Variants in NFAT5 observed in about 807,000 individuals in gnomAD.
NFAT5 encodes the protein nuclear factor of activated T-cells 5.
A neutral mutation model predicts 166.5 loss-of-function variants in NFAT5; 31 were observed. The observed-to-expected ratio is 0.19, with a 90% CI of 0.14 to 0.25. NFAT5 has a LOEUF of 0.25. Ranked by LOEUF, NFAT5 falls within the 10% of genes least tolerant of loss-of-function variation. NFAT5 has a pLI of 1.00. For synonymous variants in NFAT5, 612 were observed against 639.7 expected (o/e 0.96, Z 0.65); for missense variants, 1,449 against 1,821.8 (o/e 0.80, Z 3.72).
chr16:69,652,343 T>G (rs1401817421), intron 4 of NFAT5, among the ~76,000 whole-genome samples: 1 of 151,666 alleles, frequency 6.6e-6, no homozygotes, highest in Non-Finnish European at 1.5e-5. Context: ...TCCCAGCTAC[T>G]TGGGAGGCTG....
intron 11 of NFAT5, among the ~76,000 whole-genome samples, chr16:69,688,186 G>C (rs1456019559): frequency 8.8e-6 from 1 of 113,790 alleles, no homozygotes; most frequent in Non-Finnish European, 1.8e-5. Flanking sequence ...CTGGGCGACA[G>C]AGCGAGACTC....
chr16:69,567,034 C>G (rs1424029069), intron 1 of NFAT5, among the ~76,000 whole-genome samples: 1 of 151,024 alleles, frequency 6.6e-6, no homozygotes, highest in Non-Finnish European at 1.5e-5. Context: ...CTTTTTTTTT[C>G]TCTTCCCACC....
In NFAT5 at chr16:69,632,339, TA is replaced by T. The variant is rs2034755564; in HGVS notation, c.253+5814del. The T allele has an allele frequency of 2.0e-5, 3 of 152,332 alleles. No individual in the cohort carries two copies. In the South Asian group the frequency reaches 6.2e-4, roughly 32 times the overall value. 9.4% of individuals were successfully genotyped at this position (152,332 alleles called of 1,614,324 possible). A position where few individuals can be genotyped will look rare whatever the true frequency, so the allele number is the denominator to read the frequency against. Reference sequence around the variant, plus strand: ...CATCATATCACAATCCTTCTAGCCATAAAGTATCTCTCTTTTTTCTTTTACC... The same window carrying T: ...CATCATATCACAATCCTTCTAGCCATAAGTATCTCTCTTTTTTCTTTTACC... On this transcript the variant is annotated intron_variant, in intron 3 of 14. Coordinates refer to ENST00000349945, the MANE Select transcript of NFAT5 (RefSeq NM_138713.4).
At position 69,701,617 on chromosome 16, in the gene NFAT5, C is replaced by G. The variant is rs537200180; in HGVS notation, c.*5266C>G. ...TTATATAAACTAAATTTGTCTTCATCTCAACCAGCTAATGGTAGGTCTTAT... is the reference window on the plus strand; with the variant it reads ...TTATATAAACTAAATTTGTCTTCATGTCAACCAGCTAATGGTAGGTCTTAT... On this transcript the variant is annotated 3_prime_UTR_variant, in exon 15 of 15. Coordinates refer to ENST00000349945, the MANE Select transcript of NFAT5 (RefSeq NM_138713.4). 1 of 152,484 alleles carries G rather than the reference C, an allele frequency of 6.6e-6. No homozygotes were observed. Among genetic ancestry groups the G allele is most frequent in the South Asian group, 2.1e-4 (1 of 4,824 alleles). 9.4% of individuals were successfully genotyped at this position (152,484 alleles called of 1,614,324 possible).
Position 69,684,985 on chromosome 16 carries a change from C to A in NFAT5, c.1774+15C>A. The A allele has an allele frequency of 1.9e-6, 3 of 1,591,980 alleles. No individual in the cohort carries two copies. Among genetic ancestry groups the A allele is most frequent in the Non-Finnish European group, 2.6e-6 (3 of 1,165,718 alleles). ...GGCCATGAAAGGTACCAAGTAAATT[C>A]TTCTCAAAAATCGTAATTGGGTGCT... is the stretch of plus-strand genomic sequence containing the variant. On this transcript the variant is annotated intron_variant, in intron 11 of 14. Transcript: ENST00000349945.
chr16:69,586,859 A>G (rs2032101722), intron 2 of NFAT5, among the ~76,000 whole-genome samples: 1 of 152,234 alleles, frequency 6.6e-6, no homozygotes, highest in African/African-American at 2.4e-5. Flanking sequence ...GAAAAGCTGT[A>G]TTAGTGAAAT....
chr16:69,699,698 A>C lies in NFAT5; in HGVS notation c.*3347A>C, dbSNP rs979077538. On this transcript the variant is annotated 3_prime_UTR_variant, in exon 15 of 15. Coordinates refer to ENST00000349945, the MANE Select transcript of NFAT5 (RefSeq NM_138713.4). The stretch of plus-strand genomic sequence containing the variant: ...GGCCATAGAAACAACAATTTATTAA[A>C]TGTATTTATGGCAGAAGGACCTAAA... The C allele has an allele frequency of 3.3e-5, 5 of 152,692 alleles. No homozygotes were observed. Among genetic ancestry groups the C allele is most frequent in the African/African-American group, 1.2e-4 (5 of 41,470 alleles). 9.5% of individuals were successfully genotyped at this position (152,692 alleles called of 1,614,324 possible). A position where few individuals can be genotyped will look rare whatever the true frequency, so the allele number is the denominator to read the frequency against.
chr16:69,683,984 A>T (rs1188838259), intron 10 of NFAT5, among the ~76,000 whole-genome samples: 1 of 152,090 alleles, frequency 6.6e-6, no homozygotes, highest in Non-Finnish European at 1.5e-5. Flanking sequence ...CTGTAGTCCC[A>T]GCTACTTGGG....
rs2037822681 is a variant in NFAT5, at chr16:69,698,144, A to G, written c.*1793A>G. ...ACCCCTTTCTTTCTTTCTCTCTCTG[A>G]TTGAGAGGCATTGAATTACGTTTTC... On this transcript the variant is annotated 3_prime_UTR_variant, in exon 15 of 15. Transcript: ENST00000349945. 6.6e-6 allele frequency: 1 copy of G among 150,526 alleles called. No homozygotes were observed. The highest frequency in any genetic ancestry group is 6.6e-5 in the Admixed American group (1 of 15,064). The allele number at this position is 150,526 out of a possible 1,614,324, so 9.3% of individuals were successfully genotyped here.
intron 2 of NFAT5, among the ~76,000 whole-genome samples, chr16:69,579,771 A>T (rs1408634104): frequency 6.6e-6 from 1 of 152,220 alleles, no homozygotes; most frequent in East Asian, 1.9e-4. Context: ...CCACATATTT[A>T]TCAGGGTTGT....
At chr16:69,681,036 A>G (rs2037039463) in intron 10 of NFAT5, among the ~76,000 whole-genome samples, 1 of 152,230 alleles carries the variant, frequency 6.6e-6, no homozygotes, top group Non-Finnish European at 1.5e-5. Context: ...TTGGGATTAC[A>G]GGCATGAGCC....
At position 69,700,080 on chromosome 16, in the gene NFAT5, C is replaced by T. The variant is rs2037872151; in HGVS notation, c.*3729C>T. ...TTATAGAAGAAGTATTAATGAAGGA[C>T]TTTCCTTCCTCCCTCCCTTTCCTCC... On this transcript the variant is annotated 3_prime_UTR_variant, in exon 15 of 15. Coordinates refer to ENST00000349945, the MANE Select transcript of NFAT5 (RefSeq NM_138713.4). The T allele has an allele frequency of 6.6e-6, 1 of 151,616 alleles. No individual in the cohort carries two copies. Among genetic ancestry groups the T allele is most frequent in the Admixed American group, 6.6e-5 (1 of 15,226 alleles). The allele number at this position is 151,616 out of a possible 1,614,324, so 9.4% of individuals were successfully genotyped here.
At position 69,653,219 on chromosome 16, in the gene NFAT5, G is replaced by A. The variant is rs761348014; in HGVS notation, c.813-17G>A. The stretch of plus-strand genomic sequence containing the variant: ...CTCTTTTTGATACTTTCTCCATGTT[G>A]TGCTTTGATTTCTCAGAACATTGGA... On this transcript the variant is annotated splice_polypyrimidine_tract_variant and intron_variant, in intron 4 of 14. Coordinates refer to ENST00000349945, the MANE Select transcript of NFAT5 (RefSeq NM_138713.4). 1 of 1,499,520 alleles carries A rather than the reference G, an allele frequency of 6.7e-7. No individual in the cohort carries two copies. The highest frequency in any genetic ancestry group is 1.5e-5 in the African/African-American group (1 of 67,508). The allele number at this position is 1,499,520 out of a possible 1,614,324, so 92.9% of individuals were successfully genotyped here. A position where few individuals can be genotyped will look rare whatever the true frequency, so the allele number is the denominator to read the frequency against.
chr16:69,566,313 C>T lies in NFAT5; in HGVS notation c.12C>T (p.Asp4=). 1 of 1,606,966 alleles carries T rather than the reference C, an allele frequency of 6.2e-7. No individual in the cohort carries two copies. The highest frequency in any genetic ancestry group is 1.1e-5 in the South Asian group (1 of 89,100). The change falls in exon 1 of 15, where the codon GAC becomes GAT. Residue 4 remains aspartate, a synonymous_variant. Coordinates refer to ENST00000349945, the MANE Select transcript of NFAT5 (RefSeq NM_138713.4). The surrounding 1 kb of genome is among the most constrained non-coding windows in gnomAD (Gnocchi z 5.7). The part of the protein sequence containing the change: MPS[D]FISLLSADLD... ...TGGGTCGAGCTGCGATGCCCTCGGA[C>T]TTCATCTCATTGCTCAGCGCGGACC...
chr16:69,653,051 A>G (rs986513152), intron 4 of NFAT5, among the ~76,000 whole-genome samples, 185 bp from the exon 5 acceptor site: 1 of 152,192 alleles, frequency 6.6e-6, no homozygotes, highest in African/African-American at 2.4e-5. Flanking sequence ...ACTTTTTTAC[A>G]AAACCTTTTT....
intron 6 of NFAT5, among the ~76,000 whole-genome samples, chr16:69,656,045 C>CT (rs1371766250): frequency 1.3e-5 from 2 of 152,060 alleles, no homozygotes; most frequent in Non-Finnish European, 2.9e-5. Flanking sequence ...CTTTTGGAGT[C>CT]TGAGGCTGGT....
At chr16:69,634,614 A>G (rs1440840225) in intron 3 of NFAT5, among the ~76,000 whole-genome samples, 3 of 152,208 alleles carry the variant, frequency 2.0e-5, no homozygotes, top group Non-Finnish European at 4.4e-5. Context: ...GGGTATTATC[A>G]TCAACTAAAT....
chr16:69,603,449 A>G (rs1401671907), intron 2 of NFAT5, among the ~76,000 whole-genome samples: 1 of 152,058 alleles, frequency 6.6e-6, no homozygotes, highest in Non-Finnish European at 1.5e-5. Context: ...TATATGATGC[A>G]TTGTTGGAGT....
In NFAT5 at chr16:69,670,684, T is replaced by A. The variant is rs1221948057; in HGVS notation, c.1557+396T>A. Among the ~76,000 whole-genome samples, 3 of 152,230 alleles carry A rather than the reference T, an allele frequency of 2.0e-5. No individual in the cohort carries two copies. The East Asian group carries it at 5.8e-4, about 29-fold the overall frequency. On this transcript the variant is annotated intron_variant, in intron 9 of 14. Transcript: ENST00000349945. Reference sequence around the variant, plus strand: ...ACCTTCTTGTGTTTAGAAGCACTCATCACACTGATATTAGTCTGTATTTGC... The same window carrying A: ...ACCTTCTTGTGTTTAGAAGCACTCAACACACTGATATTAGTCTGTATTTGC...
Sources: allele counts gnomAD v4.1 joint callset (sites outside exome capture counted in the v4.1 genomes callset), GRCh38; gene constraint gnomAD v4.1.1; non-coding constraint Gnocchi (gnomAD v3.1); transcripts MANE v1.5; gene names NCBI Gene and HGNC (gene_info 2026-07-23, HGNC 2026-07-21).